ALS2: variants seen among roughly 807,000 people sequenced by gnomAD.
ALS2 encodes the protein alsin Rho guanine nucleotide exchange factor ALS2.
In ALS2, 117 loss-of-function variants were observed where a neutral mutation model predicts 203.4. The observed-to-expected ratio is 0.58, with a 90% CI of 0.50 to 0.67. The LOEUF is 0.67. ALS2 is among the 30% of genes least tolerant of loss of function. The pLI, the probability that ALS2 is intolerant of heterozygous loss-of-function variation, is 0.00. For synonymous variants in ALS2, 718 were observed against 725.9 expected (o/e 0.99, Z 0.17); for missense variants, 1,715 against 1,989.4 (o/e 0.86, Z 2.62).
intron 27 of ALS2, 64 bp downstream of exon 27, chr2:201,709,817 T>C: frequency 6.3e-7 from 1 of 1,599,434 alleles, no homozygotes; most frequent in Non-Finnish European, 8.5e-7. Context: ...AGGGTGAAAC[T>C]ACCCAAGCAC....
At chr2:201,745,243 G>T (rs1036719172) in intron 9 of ALS2, among the ~76,000 whole-genome samples, 2 of 152,206 alleles carry the variant, frequency 1.3e-5, no homozygotes, top group East Asian at 3.9e-4. Flanking sequence ...TAGAGACAGG[G>T]TCTTGCTATG....
chr2:201,728,657 A>C lies in ALS2; in HGVS notation c.2713-17T>G. 2 of 1,611,634 alleles carry C rather than the reference A, an allele frequency of 1.2e-6. No homozygotes were observed. Among genetic ancestry groups the C allele is most frequent in the Non-Finnish European group, 1.7e-6 (2 of 1,178,350 alleles). ...CAAGGAATCCTGGAATTAAAGACAA[A>C]TATAATACAAGTCAAACAATCAAAA... On this transcript the variant is annotated splice_polypyrimidine_tract_variant and intron_variant, in intron 14 of 33. Transcript: ENST00000264276.
At chr2:201,743,439 T>G (rs914884593) in intron 10 of ALS2, among the ~76,000 whole-genome samples, 1 of 152,154 alleles carries the variant, frequency 6.6e-6, no homozygotes, top group African/African-American at 2.4e-5. Flanking sequence ...TAGCTGGGCA[T>G]AGCTAAGAAA....
chr2:201,733,618 A>G (rs1691708054), intron 12 of ALS2, among the ~76,000 whole-genome samples, 180 bp from the exon 13 acceptor site: 2 of 152,238 alleles, frequency 1.3e-5, no homozygotes, highest in African/African-American at 4.8e-5. Context: ...TCTATAAGAC[A>G]GGATTTTTAG....
chr2:201,752,737 A>G (rs1367063491), intron 7 of ALS2, among the ~76,000 whole-genome samples: 2 of 152,190 alleles, frequency 1.3e-5, no homozygotes, highest in African/African-American at 4.8e-5. Context: ...GTAATGCTAG[A>G]GGTCACTTTC....
chr2:201,717,961 TAAA>T, intron 24 of ALS2, 113 bp downstream of exon 24: 1 of 1,060,736 alleles, frequency 9.4e-7, no homozygotes, highest in South Asian at 1.6e-5. Context: ...TAAAATAAAA[TAAA>T]AAAGAAGACT....
chr2:201,733,362 T>A lies in ALS2; in HGVS notation c.2494A>T (p.Ile832Leu), dbSNP rs376909691. Reference protein sequence around the residue: ...VNDENTQLMEILNTLFFLPIR... With the variant: ...VNDENTQLMELLNTLFFLPIR... ...GGCAAGAAAAACAAAGTATTCAGTA[T>A]TTCCATCAACTGAGTGTTTTCGTCA... Residue 832 changes from isoleucine (I) to leucine (L), a missense_variant, in exon 13 of 34, where the codon ATA (isoleucine) becomes TTA (leucine). This residue lies in a region of ALS2 where 1,227 missense variants were observed against 1,413.5 expected (regional missense o/e 0.87). Transcript: ENST00000264276. 2.2e-5 allele frequency: 35 copies of A among 1,612,704 alleles called. No homozygotes were observed. In the African/African-American group the frequency reaches 4.5e-4, roughly 21 times the overall value.
intron 4 of ALS2, chr2:201,760,222 G>A: frequency 1.5e-6 from 1 of 678,292 alleles, no homozygotes. Flanking sequence ...GAAATGGGAG[G>A]ATCGCTTGAA....
intron 33 of ALS2, among the ~76,000 whole-genome samples, chr2:201,702,113 C>T (rs933034130): frequency 4.0e-5 from 6 of 149,556 alleles, no homozygotes; most frequent in Non-Finnish European, 5.9e-5. Flanking sequence ...TTTCATTTCC[C>T]GTCTTATTCT....
rs531230473 is a variant in ALS2, at chr2:201,752,377, G to A, written c.1737+769C>T. On this transcript the variant is annotated intron_variant, in intron 7 of 33. Transcript: ENST00000264276. ...TGTTTTATTATATGTATATAATAAA[G>A]CCAGTAATTTTTATTTTGTAACTGA... Among the ~76,000 whole-genome samples the A allele has an allele frequency of 1.8e-4, 28 of 152,102 alleles. No individual in the cohort carries two copies. In the South Asian group the frequency reaches 5.4e-3, roughly 29 times the overall value.
In ALS2 at chr2:201,724,346, T is replaced by G. The variant is rs375466856; in HGVS notation, c.3461A>C (p.Gln1154Pro). The G allele has an allele frequency of 6.8e-6, 11 of 1,614,066 alleles. No individual in the cohort carries two copies. Among genetic ancestry groups the G allele is most frequent in the Non-Finnish European group, 9.3e-6 (11 of 1,179,930 alleles). ...TSSSPSMFIG[Q>P]WVMDKKAGYG... ...TCCTGCTTTCTTATCCATTACCCACTGGCCAATGAACATACTAGGAGAAGA... is the reference window on the plus strand; with the variant it reads ...TCCTGCTTTCTTATCCATTACCCACGGGCCAATGAACATACTAGGAGAAGA... Residue 1154 changes from glutamine (Q) to proline (P), a missense_variant, in exon 21 of 34, where the codon CAG (glutamine) becomes CCG (proline). Coordinates refer to ENST00000264276, the MANE Select transcript of ALS2 (RefSeq NM_020919.4).
At chr2:201,712,353 G>C (rs1421833444) in intron 25 of ALS2, among the ~76,000 whole-genome samples, 1 of 152,062 alleles carries the variant, frequency 6.6e-6, no homozygotes, top group African/African-American at 2.4e-5. Flanking sequence ...TTGAATACTG[G>C]TAATTTATTT....
intron 13 of ALS2, among the ~76,000 whole-genome samples, 193 bp downstream of exon 13, chr2:201,733,083 C>A (rs1027451261): frequency 5.3e-5 from 8 of 152,172 alleles, no homozygotes; most frequent in African/African-American, 1.9e-4. Context: ...TAAAGGGAAA[C>A]TGAATCCACA....
intron 28 of ALS2, among the ~76,000 whole-genome samples, chr2:201,707,270 T>C (rs1284324725): frequency 6.6e-6 from 1 of 152,200 alleles, no homozygotes; most frequent in Non-Finnish European, 1.5e-5. Context: ...TGTTTCCATT[T>C]TGAGGCTGAT....
At chr2:201,721,587 T>G (rs1275618091) in intron 23 of ALS2, among the ~76,000 whole-genome samples, 2 of 152,350 alleles carry the variant, frequency 1.3e-5, no homozygotes, top group South Asian at 2.1e-4. Flanking sequence ...AAGATTAGTT[T>G]GGACACATAA....
At chr2:201,727,888 G>T in intron 15 of ALS2, 113 bp from the exon 16 acceptor site, 1 of 1,018,974 alleles carries the variant, frequency 9.8e-7, no homozygotes, top group Non-Finnish European at 1.5e-6. Flanking sequence ...CTCTGCTGCA[G>T]AACCCCTTGA....
chr2:201,709,774 G>T lies in ALS2; in HGVS notation c.4280+107C>A. 4 of 1,350,226 alleles carry T rather than the reference G, an allele frequency of 3.0e-6. No homozygotes were observed. The South Asian group carries it at 3.5e-5, about 12-fold the overall frequency. The allele number at this position is 1,350,226 out of a possible 1,614,324, so 83.6% of individuals were successfully genotyped here. A position where few individuals can be genotyped will look rare whatever the true frequency, so the allele number is the denominator to read the frequency against. On this transcript the variant is annotated intron_variant, in intron 27 of 33. Coordinates refer to ENST00000264276, the MANE Select transcript of ALS2 (RefSeq NM_020919.4). The stretch of plus-strand genomic sequence containing the variant: ...ACATGTTTTACTTAATCTATTAAAG[G>T]ACTGTGGCATAAAACTATTTTCTTG...
At chr2:201,740,147 A>G (rs1692175733) in intron 11 of ALS2, among the ~76,000 whole-genome samples, 1 of 151,802 alleles carries the variant, frequency 6.6e-6, no homozygotes, top group South Asian at 2.1e-4. Flanking sequence ...CAACATAGTG[A>G]GACCCCCATC....
intron 10 of ALS2, 50 bp downstream of exon 10, chr2:201,744,208 A>C (rs1574747635): frequency 6.4e-7 from 1 of 1,554,802 alleles, no homozygotes; most frequent in East Asian, 2.2e-5. Context: ...TAGGAAGAAG[A>C]GATAAAGACC....
Sources: gnomAD v4.1 joint callset for allele counts (sites outside exome capture counted in the v4.1 genomes callset) on GRCh38, gnomAD v4.1.1 for gene constraint, gnomAD v4.1.1 regional missense constraint, MANE v1.5 for transcripts, NCBI Gene and HGNC (gene_info 2026-07-23, HGNC 2026-07-21) for gene names.